Variants in PSPC1 observed in about 807,000 individuals in gnomAD.
PSPC1 encodes the protein paraspeckle component 1.
Under a neutral mutation model 51.6 loss-of-function variants are expected in PSPC1, and 14 were observed. The observed-to-expected ratio is 0.27, with a 90% confidence interval of 0.18 to 0.42. The LOEUF is 0.42. Ranked by LOEUF, PSPC1 falls within the 10% of genes least tolerant of loss-of-function variation. PSPC1 has a pLI of 1.00. For synonymous variants in PSPC1, 193 were observed against 231.9 expected (o/e 0.83, Z 1.53); for missense variants, 406 against 701.1 (o/e 0.58, Z 4.75).
chr13:19,739,908 T>C (rs1359953846), intron 5 of PSPC1, among the ~76,000 whole-genome samples: 15 of 151,264 alleles, frequency 9.9e-5, no homozygotes, highest in Non-Finnish European at 1.9e-4. Flanking sequence ...TTCAGATCTA[T>C]CTGAATGCTG....
At chr13:19,680,982 C>A (rs1329317438) in intron 6 of PSPC1, among the ~76,000 whole-genome samples, 3 of 152,198 alleles carry the variant, frequency 2.0e-5, no homozygotes, top group African/African-American at 4.8e-5. Flanking sequence ...CTTTGGGAAG[C>A]TGACACAGGA....
intron 3 of PSPC1, among the ~76,000 whole-genome samples, chr13:19,755,496 G>C (rs868042760): frequency 5.3e-5 from 8 of 151,668 alleles, no homozygotes; most frequent in Non-Finnish European, 1.0e-4. Flanking sequence ...GCTGAGGCAG[G>C]AGAATCACTT....
chr13:19,675,111 GCA>G (rs1210823122), intron 7 of PSPC1: 1 of 153,020 alleles, frequency 6.5e-6, no homozygotes, highest in East Asian at 1.9e-4. Context: ...CATCCCCGCA[GCA>G]CACACTCCTT....
chr13:19,765,358 TTA>T (rs1436710004), intron 2 of PSPC1, among the ~76,000 whole-genome samples: 3 of 147,718 alleles, frequency 2.0e-5, no homozygotes, highest in African/African-American at 7.4e-5. Flanking sequence ...ATTATTATTA[TTA>T]TTATTACCAG....
Position 19,691,224 on chromosome 13 carries a change from A to G in PSPC1, c.1159-13401T>C, listed in dbSNP as rs184635380. Among the ~76,000 whole-genome samples the G allele has an allele frequency of 4.9e-3, 739 of 152,274 alleles. 6 individuals are homozygous for G. The highest frequency in any genetic ancestry group is 0.027 in the South Asian group (128 of 4,822). The stretch of plus-strand genomic sequence containing the variant: ...TGTGTGAACATTGATAAAGATGGGG[A>G]AAAAAAGTAGGCATTGCTGGGCACA... On this transcript the variant is annotated intron_variant and NMD_transcript_variant, in intron 6 of 7. Coordinates refer to the PSPC1 transcript ENST00000471658.
intron 6 of PSPC1, among the ~76,000 whole-genome samples, chr13:19,691,988 A>C (rs1761487110): frequency 6.6e-6 from 1 of 152,122 alleles, no homozygotes; most frequent in Non-Finnish European, 1.5e-5. Context: ...GCAAGCGGGG[A>C]GGGATGGAGG....
chr13:19,698,184 A>C (rs1329884888), downstream of PSPC1, among the ~76,000 whole-genome samples: 1 of 152,054 alleles, frequency 6.6e-6, no homozygotes, highest in Non-Finnish European at 1.5e-5. Context: ...TTATGACACT[A>C]GCTTATATAC....
chr13:19,708,344 A>G (rs368604313), intron 7 of PSPC1, among the ~76,000 whole-genome samples: 1 of 152,232 alleles, frequency 6.6e-6, no homozygotes, highest in East Asian at 1.9e-4. Flanking sequence ...CTTTGAAACT[A>G]TGTACTTTTA....
intron 6 of PSPC1, among the ~76,000 whole-genome samples, chr13:19,697,293 G>A (rs868414022): frequency 6.6e-6 from 1 of 152,146 alleles, no homozygotes. Context: ...GAGCCTCCCA[G>A]GTGATTCTAA....
intron 7 of PSPC1, chr13:19,675,080 T>C (rs1037470289): frequency 6.5e-6 from 1 of 152,840 alleles, no homozygotes; most frequent in African/African-American, 2.4e-5. Flanking sequence ...CCACTTTAGT[T>C]TTGAAGGTGA....
chr13:19,782,379 C>T lies in PSPC1; in HGVS notation c.372+7G>A. 1 of 1,577,258 alleles carries T rather than the reference C, an allele frequency of 6.3e-7. No homozygotes were observed. The highest frequency in any genetic ancestry group is 2.4e-5 in the East Asian group (1 of 42,368). On this transcript the variant is annotated splice_region_variant and intron_variant, in intron 1 of 8. Coordinates refer to ENST00000338910, the MANE Select transcript of PSPC1 (RefSeq NM_001354909.2). The surrounding 1 kb of genome is among the most constrained non-coding windows in gnomAD (Gnocchi z 4.5). The stretch of plus-strand genomic sequence containing the variant: ...TTTGTTCCCTCGCGCGGGCGCCTGA[C>T]ACTCACCAAGCGGATGAAGCCGAAG...
chr13:19,763,738 C>T (rs1349728997), intron 2 of PSPC1, among the ~76,000 whole-genome samples: 1 of 152,160 alleles, frequency 6.6e-6, no homozygotes, highest in Admixed American at 6.6e-5. Flanking sequence ...TGGTGGCTCA[C>T]GTTGGTAATC....
chr13:19,708,337 T>A (rs934449468), intron 7 of PSPC1, among the ~76,000 whole-genome samples: 1 of 152,246 alleles, frequency 6.6e-6, no homozygotes, highest in Non-Finnish European at 1.5e-5. Flanking sequence ...GTGTAATCTT[T>A]GAAACTATGT....
At chr13:19,682,537 G>T (rs1175386320) in intron 6 of PSPC1, among the ~76,000 whole-genome samples, 1 of 144,568 alleles carries the variant, frequency 6.9e-6, no homozygotes, top group Non-Finnish European at 1.5e-5. Context: ...AACATCAGAA[G>T]TTATCGGAAA....
intron 1 of PSPC1, among the ~76,000 whole-genome samples, chr13:19,774,757 A>T (rs1170185425): frequency 6.6e-6 from 1 of 150,992 alleles, no homozygotes; most frequent in Non-Finnish European, 1.5e-5. Context: ...GTGAGCCAAG[A>T]TCACACCACT....
chr13:19,762,212 A>G (rs1887662840), intron 2 of PSPC1, among the ~76,000 whole-genome samples: 1 of 152,314 alleles, frequency 6.6e-6, no homozygotes, highest in African/African-American at 2.4e-5. Context: ...ACCACTCTAT[A>G]TATCATCTTG....
chr13:19,693,118 T>C (rs963170853), intron 6 of PSPC1, among the ~76,000 whole-genome samples: 7 of 152,160 alleles, frequency 4.6e-5, no homozygotes, highest in Non-Finnish European at 1.0e-4. Context: ...GTCCTCCCCT[T>C]AGACGGCTTA....
At chr13:19,722,492 C>G (rs1019918647) in intron 6 of PSPC1, among the ~76,000 whole-genome samples, 6 of 148,844 alleles carry the variant, frequency 4.0e-5, no homozygotes, top group African/African-American at 1.5e-4. Flanking sequence ...ACAGCGAGAG[C>G]CTGTCTTAAA....
intron 8 of PSPC1, among the ~76,000 whole-genome samples, chr13:19,703,784 A>T (rs1330864722): frequency 6.6e-6 from 1 of 152,198 alleles, no homozygotes; most frequent in Non-Finnish European, 1.5e-5. Context: ...CGGTTTTTTA[A>T]AAGTAAACAT....
Sources: allele counts gnomAD v4.1 joint callset (sites outside exome capture counted in the v4.1 genomes callset), GRCh38; gene constraint gnomAD v4.1.1; non-coding constraint Gnocchi (gnomAD v3.1); transcripts MANE v1.5; gene names NCBI Gene and HGNC (gene_info 2026-07-23, HGNC 2026-07-21).